LRSAM1: variants seen among roughly 807,000 people sequenced by gnomAD.
LRSAM1 encodes E3 ubiquitin-protein ligase LRSAM1.
In LRSAM1, 96 loss-of-function variants were observed where a neutral mutation model predicts 118.1. The observed-to-expected ratio is 0.81, with a 90% CI of 0.69 to 0.96. LRSAM1 has a LOEUF of 0.96. Among genes scored for constraint, LRSAM1 ranks in the 40% least tolerant of loss-of-function variants. The pLI, the probability that LRSAM1 is intolerant of heterozygous loss-of-function variation, is 0.00. For synonymous variants in LRSAM1, 322 were observed against 364.2 expected (o/e 0.88, Z 1.32); for missense variants, 804 against 915.5 (o/e 0.88, Z 1.57).
intron 25 of LRSAM1, among the ~76,000 whole-genome samples, chr9:127,501,348 CT>C (rs1015855419): frequency 1.3e-5 from 2 of 152,074 alleles, no homozygotes; most frequent in African/African-American, 4.8e-5. Flanking sequence ...GGACCTTTTT[CT>C]TTTTGTTCCT....
chr9:127,473,167 C>G (rs1011685201), intron 10 of LRSAM1, among the ~76,000 whole-genome samples: 4 of 152,200 alleles, frequency 2.6e-5, no homozygotes, highest in Non-Finnish European at 5.9e-5. Flanking sequence ...TTTCTTGTGA[C>G]GTGACTGTAT....
intron 20 of LRSAM1, 139 bp from the exon 21 acceptor site, chr9:127,492,663 C>A: frequency 1.3e-6 from 1 of 771,814 alleles, no homozygotes; most frequent in Non-Finnish European, 2.2e-6. Context: ...GGCCTCTTAG[C>A]TTTGTCCCCC....
At chr9:127,456,384 C>G (rs960810046) in intron 5 of LRSAM1, among the ~76,000 whole-genome samples, 2 of 142,834 alleles carry the variant, frequency 1.4e-5, no homozygotes, top group Non-Finnish European at 3.0e-5. Context: ...TAGGCGCCCA[C>G]CACCATGCCC....
rs570989650 is a variant in LRSAM1, at chr9:127,455,077, C to T, written c.129+23C>T. 4.6e-5 allele frequency: 74 copies of T among 1,611,868 alleles called. No homozygotes were observed. The South Asian group carries it at 7.8e-4, about 17-fold the overall frequency. On this transcript the variant is annotated intron_variant, in intron 4 of 25. Transcript: ENST00000300417. ...GAGGTAAACTGAGGATAGTGTTGGG[C>T]TGTGAATTGGATCTGTCCCGTTTTC... is the stretch of plus-strand genomic sequence containing the variant.
rs139588129 is a variant in LRSAM1 at position 127,478,502 on chromosome 9, G to T, written c.751-432G>T. On this transcript the variant is annotated intron_variant, in intron 11 of 25. Transcript: ENST00000300417. ...TGTATGAGTTATTTCCAGTGTTTTTGCTCTTTTGAATAATTCTGCAGGAAG... is the reference window on the plus strand; with the variant it reads ...TGTATGAGTTATTTCCAGTGTTTTTTCTCTTTTGAATAATTCTGCAGGAAG... 1.6e-3 allele frequency among the ~76,000 whole-genome samples: 247 copies of T among 152,346 alleles called. 2 individuals are homozygous for T. In the East Asian group the frequency reaches 0.032, roughly 20 times the overall value.
intron 2 of LRSAM1, chr9:127,454,070 C>T (rs12350191): frequency 0.036 from 8,882 of 247,352 alleles, 12 homozygotes; most frequent in African/African-American, 0.09. Flanking sequence ...GCCCCTGCCC[C>T]CGTGGAACTC....
In LRSAM1 at chr9:127,485,793, A is replaced by G. The variant is rs1232018566; in HGVS notation, c.1217A>G (p.Tyr406Cys). The change falls in exon 17 of 26, where the codon TAC becomes TGC. Residue 406 changes from tyrosine to cysteine, a missense_variant. Transcript: ENST00000300417. ...SCKNRLIQMA[Y>C]ESQRQNLVQQ... ...AAGAACCGGCTCATCCAGATGGCCT[A>G]CGAATCTCAGAGGCAGAACTTGGTC... is the stretch of plus-strand genomic sequence containing the variant. 1 of 1,614,028 alleles carries G rather than the reference A, an allele frequency of 6.2e-7. No individual in the cohort carries two copies. The highest frequency in any genetic ancestry group is 1.3e-5 in the African/African-American group (1 of 74,924).
chr9:127,481,085 C>A, intron 14 of LRSAM1, 98 bp from the exon 15 acceptor site: 2 of 1,354,020 alleles, frequency 1.5e-6, no homozygotes, highest in Non-Finnish European at 2.1e-6. Flanking sequence ...CCAAGGTGCC[C>A]CCAGCCCATT....
intron 11 of LRSAM1, among the ~76,000 whole-genome samples, chr9:127,475,077 T>TTATTTTAC (rs528343584): frequency 2.3e-4 from 35 of 151,206 alleles, no homozygotes; most frequent in African/African-American, 4.6e-4. Context: ...TATTATTTTA[T>TTATTTTAC]AGTTCAGCAA....
chr9:127,483,128 C>T (rs1009811925), intron 16 of LRSAM1, 108 bp downstream of exon 16: 2 of 1,037,970 alleles, frequency 1.9e-6, no homozygotes, highest in Admixed American at 2.0e-5. Flanking sequence ...GAGTGTTAGC[C>T]CTCGAGAGGG....
At position 127,468,810 on chromosome 9, in the gene LRSAM1, C is replaced by CAAA. The variant is rs1185949155; in HGVS notation, c.619+1007_619+1009dup. On this transcript the variant is annotated intron_variant, in intron 10 of 25. Transcript: ENST00000300417. ...GCAACATGGTGAAACCCTGTCTCTA[C>CAAA]AAAAAAAAAAAAAAAAAAAAAAAAA... 4.3e-3 allele frequency among the ~76,000 whole-genome samples: 71 copies of CAAA among 16,434 alleles called. 8 individuals are homozygous for CAAA. In the East Asian group the frequency reaches 0.052, roughly 12 times the overall value. 10.8% of individuals were successfully genotyped at this position (16,434 alleles called of 152,430 possible).
Position 127,502,864 on chromosome 9 carries a change from A to ATCGCCCAGCGCC in LRSAM1, c.2140_2151dup (p.Ala714_Leu717dup). The ATCGCCCAGCGCC allele has an allele frequency of 6.2e-7, 1 of 1,610,120 alleles. No individual in the cohort carries two copies. Among genetic ancestry groups the ATCGCCCAGCGCC allele is most frequent in the Non-Finnish European group, 8.5e-7 (1 of 1,178,808 alleles). ...CACCTGCCCGCTGTGCCGCCAGGAC[A>ATCGCCCAGCGCC]TCGCCCAGCGCCTCCGCATCTACCA... On this transcript the variant is annotated inframe_insertion, in exon 26 of 26. Transcript: ENST00000300417.
chr9:127,452,529 G>T lies in LRSAM1; in HGVS notation c.-33+445G>T, dbSNP rs141227166. The stretch of plus-strand genomic sequence containing the variant: ...TCCTCCCATGACTATCTTCTCCCTA[G>T]CTCCTCTAGCGGGCCCTGAATCAAT... On this transcript the variant is annotated intron_variant, in intron 2 of 25. Transcript: ENST00000300417. Among the ~76,000 whole-genome samples the T allele has an allele frequency of 0.013, 2,037 of 152,260 alleles. 44 individuals are homozygous for T. Among genetic ancestry groups the T allele is most frequent in the African/African-American group, 0.046 (1,916 of 41,534 alleles).
In LRSAM1 at chr9:127,465,685, C is replaced by T. The variant is rs1243267105; in HGVS notation, c.529-2055C>T. Among the ~76,000 whole-genome samples the T allele has an allele frequency of 6.6e-6, 1 of 152,210 alleles. No homozygotes were observed. The highest frequency in any genetic ancestry group is 2.4e-5 in the African/African-American group (1 of 41,452). On this transcript the variant is annotated intron_variant, in intron 9 of 25. Transcript: ENST00000300417. The surrounding 1 kb of genome is among the most constrained non-coding windows in gnomAD (Gnocchi z 4.1). ...GCTGGGGGACCTGAGCTACCCTTCC[C>T]ACCCAGCCACTTGTGTTACAGCAAA...
chr9:127,459,217 GTTT>G (rs373307015), intron 7 of LRSAM1, 146 bp downstream of exon 7: 544 of 577,606 alleles, frequency 9.4e-4, no homozygotes, highest in East Asian at 1.8e-3. Context: ...GCCCTTTGGG[GTTT>G]TTTTTTTTTT....
chr9:127,471,153 A>C (rs2132039904), intron 10 of LRSAM1, among the ~76,000 whole-genome samples: 2 of 152,154 alleles, frequency 1.3e-5, no homozygotes, highest in South Asian at 2.1e-4. Flanking sequence ...CCAATGGCTG[A>C]GCTAGCTAGA....
At chr9:127,475,047 T>TTTA (rs149765084) in intron 11 of LRSAM1, among the ~76,000 whole-genome samples, 64,323 of 149,034 alleles carry the variant, frequency 0.43, 14,456 homozygotes, top group Non-Finnish European at 0.47. Flanking sequence ...CATTTGGGAT[T>TTTA]TTATTATTAT....
intron 10 of LRSAM1, among the ~76,000 whole-genome samples, chr9:127,469,172 AT>A (rs767346137): frequency 5.3e-5 from 8 of 152,062 alleles, no homozygotes; most frequent in Admixed American, 1.3e-4. Flanking sequence ...TTGACTAAGA[AT>A]TTTTACACAA....
rs1564279022 is a variant in LRSAM1, at chr9:127,491,215, ATTAAG to A, written c.1428_1432del (p.Lys476AsnfsTer4). ...AAACCCTGTCTCGTCTTCTGTTTAG[ATTAAG>A]TTAATAGAAACTGAGTTATTGCAGC... On this transcript the variant is annotated frameshift_variant and splice_region_variant, in exon 20 of 26. Coordinates refer to ENST00000300417, the MANE Select transcript of LRSAM1 (RefSeq NM_001005373.4). LOFTEE classifies it high-confidence loss of function. 1 of 1,613,448 alleles carries A rather than the reference ATTAAG, an allele frequency of 6.2e-7. No individual in the cohort carries two copies. Among genetic ancestry groups the A allele is most frequent in the Non-Finnish European group, 8.5e-7 (1 of 1,179,598 alleles).
Sources: gnomAD v4.1 joint callset for allele counts (sites outside exome capture counted in the v4.1 genomes callset) on GRCh38, gnomAD v4.1.1 for gene constraint, Gnocchi (gnomAD v3.1) non-coding constraint, MANE v1.5 for transcripts, NCBI Gene and HGNC (gene_info 2026-07-23, HGNC 2026-07-21) for gene names.